The following AFG2A variants were observed in gnomAD, a reference collection of about 807,000 sequenced individuals.
AFG2A encodes the protein AAA ATPase AFG2A.
At chr4:123,255,009 A>T in the AFG2A span, among the ~76,000 whole-genome samples, 2 of 151,968 alleles carry the variant, frequency 1.3e-5, no homozygotes, top group Non-Finnish European at 2.9e-5. Context: ...TGTCACCCAG[A>T]CTGGAGTGCA....
the AFG2A span, among the ~76,000 whole-genome samples, chr4:123,252,332 A>G: frequency 6.6e-6 from 1 of 152,200 alleles, no homozygotes; most frequent in Non-Finnish European, 1.5e-5. Flanking sequence ...GTACATTAAA[A>G]CAAAACAAAA....
chr4:123,257,239 A>G, the AFG2A span, among the ~76,000 whole-genome samples: 3 of 152,152 alleles, frequency 2.0e-5, no homozygotes, highest in African/African-American at 7.2e-5. Flanking sequence ...AGAACCATAG[A>G]TATAGATATA....
the AFG2A span, among the ~76,000 whole-genome samples, chr4:123,268,706 A>G: frequency 1.3e-5 from 2 of 152,226 alleles, no homozygotes; most frequent in Admixed American, 6.5e-5. Context: ...CATTTTAGAC[A>G]TGCAAGACCT....
the AFG2A span, among the ~76,000 whole-genome samples, chr4:123,152,308 A>T: frequency 6.6e-6 from 1 of 151,984 alleles, no homozygotes; most frequent in Non-Finnish European, 1.5e-5. Context: ...TAATAATAAG[A>T]AAAGATAATT....
At chr4:123,274,121 G>A in the AFG2A span, among the ~76,000 whole-genome samples, 1 of 152,022 alleles carries the variant, frequency 6.6e-6, no homozygotes, top group African/African-American at 2.4e-5. Flanking sequence ...TTATAACTCA[G>A]TGTATTCTTA....
At chr4:123,251,040 T>C in the AFG2A span, among the ~76,000 whole-genome samples, 2 of 152,208 alleles carry the variant, frequency 1.3e-5, no homozygotes, top group South Asian at 4.1e-4. Flanking sequence ...GACAATGTTA[T>C]AATAATCATT....
the AFG2A span, among the ~76,000 whole-genome samples, chr4:123,226,241 A>T: frequency 1.3e-5 from 2 of 152,180 alleles, no homozygotes; most frequent in Admixed American, 1.3e-4. Flanking sequence ...AGAACTTCCA[A>T]CACTATGTTG....
At chr4:123,230,014 A>C in the AFG2A span, among the ~76,000 whole-genome samples, 2 of 152,022 alleles carry the variant, frequency 1.3e-5, no homozygotes, top group Non-Finnish European at 2.9e-5. Flanking sequence ...GCTAGCAATC[A>C]TCTGAGCCTT....
chr4:123,141,470 A>T, the AFG2A span, among the ~76,000 whole-genome samples: 1 of 152,252 alleles, frequency 6.6e-6, no homozygotes, highest in South Asian at 2.1e-4. Context: ...TCTCAAAAAC[A>T]AAACAAAACA....
chr4:123,045,653 T>G, the AFG2A span, among the ~76,000 whole-genome samples: 1 of 152,196 alleles, frequency 6.6e-6, no homozygotes. Context: ...CTCATTGCAT[T>G]CTATCAGGTG....
chr4:123,317,614 C>G, the AFG2A span: 1 of 152,188 alleles, frequency 6.6e-6, no homozygotes, highest in Non-Finnish European at 1.5e-5. Context: ...CAGAGCAAGT[C>G]TCACATTGAT....
At chr4:123,172,898 A>G in the AFG2A span, among the ~76,000 whole-genome samples, 3 of 152,164 alleles carry the variant, frequency 2.0e-5, no homozygotes, top group African/African-American at 7.2e-5. Context: ...ACAGTTTCTG[A>G]AGAATCTCAT....
chr4:123,165,345 AT>A, the AFG2A span, among the ~76,000 whole-genome samples: 1 of 152,114 alleles, frequency 6.6e-6, no homozygotes, highest in Non-Finnish European at 1.5e-5. Context: ...ATTGAATCGT[AT>A]GCTTAAATAA....
At chr4:122,939,691 T>C in the AFG2A span, among the ~76,000 whole-genome samples, 1 of 152,130 alleles carries the variant, frequency 6.6e-6, no homozygotes, top group East Asian at 1.9e-4. Flanking sequence ...GCAGGTTAGT[T>C]ACATATGTAT....
the AFG2A span, among the ~76,000 whole-genome samples, chr4:123,017,366 T>C: frequency 1.3e-5 from 2 of 151,554 alleles, no homozygotes; most frequent in South Asian, 4.1e-4. Flanking sequence ...CTTCTTTTTT[T>C]TTTTTTTTCT....
chr4:123,220,613 CA>C, the AFG2A span, among the ~76,000 whole-genome samples: 528 of 41,760 alleles, frequency 0.013, 2 homozygotes, highest in African/African-American at 0.029. Flanking sequence ...GACTCCAACT[CA>C]AAAAAAAAAA....
chr4:122,950,864 G>A, the AFG2A span, among the ~76,000 whole-genome samples: 13 of 152,168 alleles, frequency 8.5e-5, no homozygotes, highest in African/African-American at 2.9e-4. Flanking sequence ...AGGTGGCAAG[G>A]GCCTGGGGTG....
chr4:122,998,168 TTTG>T, the AFG2A span, among the ~76,000 whole-genome samples: 48 of 152,206 alleles, frequency 3.2e-4, 1 homozygote, highest in Middle Eastern at 3.4e-3. Context: ...CCAGTATCTT[TTTG>T]TTGTTGTTGT....
the AFG2A span, among the ~76,000 whole-genome samples, chr4:123,007,036 C>T: frequency 6.6e-6 from 1 of 151,344 alleles, no homozygotes; most frequent in African/African-American, 2.4e-5. Context: ...GAATTCTAGA[C>T]ATTGTAAATT....
Sources: gnomAD v4.1 joint callset for allele counts (sites outside exome capture counted in the v4.1 genomes callset) on GRCh38, gnomAD v4.1.1 for gene constraint, MANE v1.5 for transcripts, NCBI Gene and HGNC (gene_info 2026-07-23, HGNC 2026-07-21) for gene names.